The following AACS variants were observed in gnomAD, a reference collection of about 807,000 sequenced individuals.
The protein encoded by AACS is acetoacetyl-CoA synthetase.
Under a neutral mutation model 83.1 loss-of-function variants are expected in AACS, and 69 were observed. That is an observed-to-expected ratio of 0.83 (90% CI 0.68 to 1.01). AACS has a LOEUF of 1.01. Among genes scored for constraint, AACS ranks in the 50% least tolerant of loss-of-function variants. The pLI, the probability that AACS is intolerant of heterozygous loss-of-function variation, is 0.00. For synonymous variants in AACS, 333 were observed against 343.4 expected, an observed-to-expected ratio of 0.97 and a Z score of 0.33; for missense variants, 866 against 882.2, an observed-to-expected ratio of 0.98 and a Z score of 0.23.
chr12:125,110,171 G>A (rs1956922737), intron 8 of AACS, among the ~76,000 whole-genome samples: 2 of 149,354 alleles, frequency 1.3e-5, no homozygotes, highest in South Asian at 2.1e-4. Flanking sequence ...AGGCGCCCGC[G>A]ACCACGGCCG....
intron 5 of AACS, among the ~76,000 whole-genome samples, chr12:125,093,371 G>A (rs1956531218): frequency 6.6e-6 from 1 of 152,246 alleles, no homozygotes; most frequent in South Asian, 2.1e-4. Context: ...GGCTGCAGTG[G>A]CAGGGCTGGA....
At chr12:125,091,591 G>T in intron 5 of AACS, 68 bp downstream of exon 5, 2 of 1,521,550 alleles carry the variant, frequency 1.3e-6, no homozygotes, top group Non-Finnish European at 1.8e-6. Flanking sequence ...GGGCTGCATG[G>T]GCTGAATTCC....
At chr12:125,134,191 C>A in intron 15 of AACS, 119 bp downstream of exon 15, 1 of 1,081,488 alleles carries the variant, frequency 9.2e-7, no homozygotes, top group Non-Finnish European at 1.3e-6. Context: ...CCTCACTCCA[C>A]TCCAGCACCA....
At position 125,065,812 on chromosome 12, in the gene AACS, G is replaced by T. The variant is rs970134290; in HGVS notation, c.133+95G>T. On this transcript the variant is annotated intron_variant, in intron 1 of 17. Coordinates refer to ENST00000316519, the MANE Select transcript of AACS (RefSeq NM_023928.5). ...CCCCATGGCTAGTTTCACGCTTCTG[G>T]GGCTGGAGGAGCCACTTGATGGCGG... is the stretch of plus-strand genomic sequence containing the variant. 2.9e-6 allele frequency: 4 copies of T among 1,388,626 alleles called. No individual in the cohort carries two copies. The South Asian group carries it at 5.0e-5, about 17-fold the overall frequency. 86.0% of individuals were successfully genotyped at this position (1,388,626 alleles called of 1,614,324 possible). A position where few individuals can be genotyped will look rare whatever the true frequency, so the allele number is the denominator to read the frequency against.
At position 125,117,791 on chromosome 12, in the gene AACS, G is replaced by A. The variant is rs140909817; in HGVS notation, c.997-850G>A. ...CCTTGAGGCCAGGAGTTCAAGATTA[G>A]CCTGGACAACAAAGTGAGACCTCAT... On this transcript the variant is annotated intron_variant, in intron 9 of 17. Coordinates refer to ENST00000316519, the MANE Select transcript of AACS (RefSeq NM_023928.5). 2.0e-5 allele frequency: 3 copies of A among 152,142 alleles called. No individual in the cohort carries two copies. The East Asian group carries it at 5.8e-4, about 29-fold the overall frequency. The allele number at this position is 152,142 out of a possible 1,614,324, so 9.4% of individuals were successfully genotyped here.
chr12:125,072,527 A>G (rs187974585), intron 1 of AACS, among the ~76,000 whole-genome samples: 3 of 152,040 alleles, frequency 2.0e-5, no homozygotes, highest in African/African-American at 2.4e-5. Context: ...CTGTTATGTT[A>G]TTATATCCTT....
intron 3 of AACS, among the ~76,000 whole-genome samples, chr12:125,077,384 C>T (rs879656669): frequency 6.7e-4 from 101 of 151,836 alleles, no homozygotes; most frequent in Middle Eastern, 3.4e-3. Context: ...GTGGCGGGCG[C>T]CTGTAGTCCC....
rs937396655 is a variant in AACS at position 125,081,865 on chromosome 12, GA to G, written c.359-4455del. On this transcript the variant is annotated intron_variant, in intron 3 of 17. Coordinates refer to ENST00000316519, the MANE Select transcript of AACS (RefSeq NM_023928.5). Reference sequence around the variant, plus strand: ...GACGCGTACAACTCTAGGCAAATAGGAAAAAAAAAACGAGTTTTTTTTTTTT... The same window carrying G: ...GACGCGTACAACTCTAGGCAAATAGGAAAAAAAAACGAGTTTTTTTTTTTT... Among the ~76,000 whole-genome samples, 19 of 144,278 alleles carry G rather than the reference GA, an allele frequency of 1.3e-4. No individual in the cohort carries two copies. In the South Asian group the frequency reaches 1.5e-3, roughly 12 times the overall value. 94.7% of individuals were successfully genotyped at this position (144,278 alleles called of 152,430 possible).
intron 3 of AACS, among the ~76,000 whole-genome samples, chr12:125,083,772 G>C (rs1956260127): frequency 6.6e-6 from 1 of 152,024 alleles, no homozygotes. Flanking sequence ...TCCTGCCTCA[G>C]CCTCCTGAGT....
chr12:125,109,932 A>C (rs868375027), intron 8 of AACS, among the ~76,000 whole-genome samples: 1 of 151,950 alleles, frequency 6.6e-6, no homozygotes, highest in Non-Finnish European at 1.5e-5. Flanking sequence ...CCGTGCATCT[A>C]TCGGGGGGAT....
chr12:125,118,911 A>G, intron 10 of AACS, 146 bp downstream of exon 10: 3 of 1,257,274 alleles, frequency 2.4e-6, no homozygotes, highest in East Asian at 2.7e-5. Flanking sequence ...CCTCTCCAAG[A>G]GGAGGGCATG....
chr12:125,139,846 C>G (rs950462450), intron 17 of AACS: 2 of 152,276 alleles, frequency 1.3e-5, no homozygotes, highest in African/African-American at 2.4e-5. Flanking sequence ...TTCTTCGGAG[C>G]TCAGCTGACT....
chr12:125,116,138 G>T (rs1957048513), intron 9 of AACS, among the ~76,000 whole-genome samples: 1 of 152,126 alleles, frequency 6.6e-6, no homozygotes, highest in South Asian at 2.1e-4. Context: ...CCCCACCATG[G>T]ACCCTTGTGT....
At chr12:125,068,365 G>A (rs911004614) in intron 1 of AACS, among the ~76,000 whole-genome samples, 4 of 152,166 alleles carry the variant, frequency 2.6e-5, no homozygotes, top group South Asian at 4.1e-4. Context: ...AGACTAAGGT[G>A]GGAGGGTTGC....
rs1956551351 is a variant in AACS, at chr12:125,094,082, G to A, written c.570+2559G>A. On this transcript the variant is annotated intron_variant, in intron 5 of 17. Coordinates refer to ENST00000316519, the MANE Select transcript of AACS (RefSeq NM_023928.5). This position sits in a 1 kb window ranked among gnomAD's most constrained non-coding sequence, Gnocchi z 4.1. ...CCCTCTATTTACCATCCTTGTTCAG[G>A]GGCTAAAACTAACAGGGATGAATTC... is the stretch of plus-strand genomic sequence containing the variant. 6.6e-6 allele frequency among the ~76,000 whole-genome samples: 1 copy of A among 152,178 alleles called. No individual in the cohort carries two copies. The highest frequency in any genetic ancestry group is 2.1e-4 in the South Asian group (1 of 4,834).
chr12:125,103,750 AG>A (rs1240821436), intron 7 of AACS, among the ~76,000 whole-genome samples: 1 of 152,104 alleles, frequency 6.6e-6, no homozygotes, highest in Non-Finnish European at 1.5e-5. Context: ...GCACTTTGGG[AG>A]GCCGAGGCAG....
chr12:125,120,641 G>C (rs1239175192), intron 10 of AACS: 2 of 152,110 alleles, frequency 1.3e-5, no homozygotes, highest in Non-Finnish European at 1.5e-5. Flanking sequence ...GCAGGCACTG[G>C]GTCGGGGGTT....
chr12:125,142,207 T>C lies in AACS; in HGVS notation c.1997T>C (p.Ile666Thr). 1 of 1,614,014 alleles carries C rather than the reference T, an allele frequency of 6.2e-7. No homozygotes were observed. Among genetic ancestry groups the C allele is most frequent in the East Asian group, 2.2e-5 (1 of 44,868 alleles). Residue 666 changes from isoleucine (I) to threonine (T), a missense_variant, in exon 18 of 18, where the codon ATC (isoleucine) becomes ACC (threonine). Coordinates refer to ENST00000316519, the MANE Select transcript of AACS (RefSeq NM_023928.5). ...GAGACCCTGGATCTGTACCGGGACA[T>C]CCCTGAGCTGCAGGGCTTCTGAGTC... ...NPETLDLYRD[I>T]PELQGF
At chr12:125,136,910 C>T (rs749638668) in intron 17 of AACS, 46 bp downstream of exon 17, 33 of 1,591,166 alleles carry the variant, frequency 2.1e-5, no homozygotes, top group African/African-American at 2.7e-5. Context: ...CATCGCCCCA[C>T]GAGCCCACAC....
Sources: gnomAD v4.1 joint callset for allele counts (sites outside exome capture counted in the v4.1 genomes callset) on GRCh38, gnomAD v4.1.1 for gene constraint, Gnocchi (gnomAD v3.1) non-coding constraint, MANE v1.5 for transcripts, NCBI Gene and HGNC (gene_info 2026-07-23, HGNC 2026-07-21) for gene names.